The following FAN1 variants were observed in gnomAD, a reference collection of about 807,000 sequenced individuals.
FAN1 encodes the protein FANCD2 and FANCI associated nuclease 1.
Under a neutral mutation model 104.9 loss-of-function variants are expected in FAN1, and 91 were observed. That is an observed-to-expected ratio of 0.87 (90% confidence interval 0.73 to 1.03). The LOEUF (loss-of-function observed/expected upper bound fraction) is 1.03. Ranked by LOEUF, FAN1 falls within the 50% of genes least tolerant of loss-of-function variation. FAN1 has a pLI of 0.00. For missense variants in FAN1, 1,263 were observed against 1,239.9 expected (o/e 1.02, Z -0.28); for synonymous variants, 478 against 457.6 (o/e 1.04, Z -0.57).
At position 30,904,891 on chromosome 15, in the gene FAN1, G is replaced by C. The variant is rs367612076; in HGVS notation, c.228G>C (p.Gln76His). 1 of 1,613,884 alleles carries C rather than the reference G, an allele frequency of 6.2e-7. No individual in the cohort carries two copies. Among genetic ancestry groups the C allele is most frequent in the Non-Finnish European group, 8.5e-7 (1 of 1,179,976 alleles). Reference sequence around the variant, plus strand: ...ACTTCGTTCAAGTGGATCCAGGGCAGGTTGGCTTAATAAATTCAAATGTGT... The same window carrying C: ...ACTTCGTTCAAGTGGATCCAGGGCACGTTGGCTTAATAAATTCAAATGTGT... ...NNDFVQVDPG[Q>H]VGLINSNVSM... Residue 76 changes from glutamine (Q) to histidine (H), a missense_variant, in exon 2 of 15, where the codon CAG (glutamine) becomes CAC (histidine). Coordinates refer to ENST00000362065, the MANE Select transcript of FAN1 (RefSeq NM_014967.5).
intron 14 of FAN1, 24 bp from the exon 15 acceptor site, chr15:30,941,542 T>C: frequency 6.2e-7 from 1 of 1,608,310 alleles, no homozygotes; most frequent in Non-Finnish European, 8.5e-7. Context: ...TTAATGGTGT[T>C]CCTAAAATGC....
intron 12 of FAN1, among the ~76,000 whole-genome samples, chr15:30,929,860 ATAAT>A (rs1404089316): frequency 1.3e-5 from 1 of 78,508 alleles, no homozygotes; most frequent in African/African-American, 6.3e-5. Flanking sequence ...TATATCATAT[ATAAT>A]ATATATAAAA....
intron 10 of FAN1, chr15:30,927,161 A>G: frequency 1.1e-6 from 1 of 941,728 alleles, no homozygotes; most frequent in Admixed American, 6.2e-5. Context: ...GTGAGCCAAG[A>G]TTGTGCCACT....
chr15:30,929,616 ATATATAT>A lies in FAN1; in HGVS notation c.2787+231_2787+237del, dbSNP rs1206430062. 2.0e-3 allele frequency among the ~76,000 whole-genome samples: 264 copies of A among 129,226 alleles called. 11 individuals are homozygous for A. Among genetic ancestry groups the A allele is most frequent in the African/African-American group, 6.9e-3 (229 of 32,986 alleles). 84.8% of individuals were successfully genotyped at this position (129,226 alleles called of 152,430 possible). ...TTATATATTACATATTACATATATA[ATATATAT>A]TATATATTATACAATATACAATATA... On this transcript the variant is annotated intron_variant, in intron 12 of 14. Coordinates refer to ENST00000362065, the MANE Select transcript of FAN1 (RefSeq NM_014967.5).
At chr15:30,911,039 G>A (rs1290291290) in intron 4 of FAN1, 4 of 1,260,682 alleles carry the variant, frequency 3.2e-6, no homozygotes, top group African/African-American at 3.1e-5. Context: ...AGAAAAATCG[G>A]AAGGCAATAG....
At chr15:30,905,963 TGTGATGGGCA>T in intron 2 of FAN1, 66 bp downstream of exon 2, 1 of 1,441,402 alleles carries the variant, frequency 6.9e-7, no homozygotes, top group Non-Finnish European at 9.5e-7. Context: ...TGGGGCATGA[TGTGATGGGCA>T]GTAATCTAGT....
In FAN1 at chr15:30,937,979, A is replaced by T. The variant is rs1158766313; in HGVS notation, c.*3+720A>T. Among the ~76,000 whole-genome samples the T allele has an allele frequency of 2.0e-5, 3 of 151,682 alleles. No individual in the cohort carries two copies. In the East Asian group the frequency reaches 5.9e-4, roughly 30 times the overall value. On this transcript the variant is annotated intron_variant, in intron 14 of 14. Coordinates refer to ENST00000362065, the MANE Select transcript of FAN1 (RefSeq NM_014967.5). Reference sequence around the variant, plus strand: ...GGCAGGCGCATCATGAGGTCAAGAGATCGAGACCATCCTGGCCAACATGGT... The same window carrying T: ...GGCAGGCGCATCATGAGGTCAAGAGTTCGAGACCATCCTGGCCAACATGGT...
At chr15:30,906,526 T>A (rs1392253063) in intron 2 of FAN1, 1 of 456,558 alleles carries the variant, frequency 2.2e-6, no homozygotes, top group East Asian at 6.9e-5. Context: ...AAGCCACCCT[T>A]GTGTCTTTAC....
At chr15:30,904,238 G>T (rs2061915697) in intron 1 of FAN1, among the ~76,000 whole-genome samples, 1 of 152,180 alleles carries the variant, frequency 6.6e-6, no homozygotes, top group Non-Finnish European at 1.5e-5. Flanking sequence ...CTTGTAAAGG[G>T]TCTGAAGTGG....
At chr15:30,910,094 A>C (rs1321617613) in intron 3 of FAN1, among the ~76,000 whole-genome samples, 1 of 152,212 alleles carries the variant, frequency 6.6e-6, no homozygotes, top group East Asian at 1.9e-4. Context: ...ACTGCCCTAA[A>C]CTTGTGAAGC....
At position 30,904,546 on chromosome 15, in the gene FAN1, C is replaced by T. The variant is rs986560136; in HGVS notation, c.-118C>T. The stretch of plus-strand genomic sequence containing the variant: ...ATTGTCGAGACGAATAACATGAGGT[C>T]ATATAGAATCCCACTTTTGGTGATT... On this transcript the variant is annotated 5_prime_UTR_variant, in exon 2 of 15. Transcript: ENST00000362065. 3 of 926,408 alleles carry T rather than the reference C, an allele frequency of 3.2e-6. No homozygotes were observed. Among genetic ancestry groups the T allele is most frequent in the Admixed American group, 3.4e-5 (2 of 58,862 alleles). 57.4% of individuals were successfully genotyped at this position (926,408 alleles called of 1,614,324 possible). A position where few individuals can be genotyped will look rare whatever the true frequency, so the allele number is the denominator to read the frequency against.
At chr15:30,938,300 GT>G (rs1245849403) in intron 14 of FAN1, among the ~76,000 whole-genome samples, 1 of 152,156 alleles carries the variant, frequency 6.6e-6, no homozygotes, top group Non-Finnish European at 1.5e-5. Flanking sequence ...ACATTTAGCT[GT>G]TAAACTTTTA....
Position 30,904,649 on chromosome 15 carries a change from GTT to G in FAN1, c.-11_-10del, listed in dbSNP as rs774760583. The G allele has an allele frequency of 1.9e-6, 3 of 1,608,258 alleles. No individual in the cohort carries two copies. The South Asian group carries it at 3.3e-5, about 18-fold the overall frequency. On this transcript the variant is annotated 5_prime_UTR_variant, in exon 2 of 15. An upstream open reading frame in the 5' UTR loses its in-frame stop. Transcript: ENST00000362065. ...TGTGTTTTATTGCTCAGAACATCCA[GTT>G]TTTCTAATACTCATGATGTCAGAAG...
Position 30,920,699 on chromosome 15 carries a change from G to T in FAN1, c.2052+46G>T, listed in dbSNP as rs748145720. Reference sequence around the variant, plus strand: ...CCCCCACCATTACTGATGTGATGGCGTTAAACATGTGAAGGGACAGCTGTC... The same window carrying T: ...CCCCCACCATTACTGATGTGATGGCTTTAAACATGTGAAGGGACAGCTGTC... On this transcript the variant is annotated intron_variant, in intron 7 of 14. Transcript: ENST00000362065. The T allele has an allele frequency of 9.8e-6, 11 of 1,126,816 alleles. No individual in the cohort carries two copies. In the East Asian group the frequency reaches 1.7e-4, roughly 17 times the overall value. The allele number at this position is 1,126,816 out of a possible 1,614,324, so 69.8% of individuals were successfully genotyped here.
chr15:30,919,714 A>G (rs1230057465), intron 6 of FAN1, among the ~76,000 whole-genome samples: 1 of 151,220 alleles, frequency 6.6e-6, no homozygotes, highest in Non-Finnish European at 1.5e-5. Context: ...AAAAAAGAAA[A>G]TCATAAGGAA....
Position 30,930,573 on chromosome 15 carries a change from C to T in FAN1, c.2818C>T (p.Leu940Phe). The T allele has an allele frequency of 6.2e-7, 1 of 1,610,672 alleles. No homozygotes were observed. The highest frequency in any genetic ancestry group is 8.5e-7 in the Non-Finnish European group (1 of 1,178,952). Residue 940 changes from leucine to phenylalanine, a missense_variant, in exon 13 of 15, where the codon CTC (leucine) becomes TTC (phenylalanine). By Grantham distance (22) the Leu-to-Phe change is conservative. Around this residue, in one of 2 missense-constraint regions of FAN1, gnomAD observed 581 missense variants for 668.8 expected, o/e 0.87. Transcript: ENST00000362065. ...DLVSCLGGPV[L>F]SGVCRHLAAD... The stretch of plus-strand genomic sequence containing the variant: ...TGTCTCCTGCCTGGGGGGCCCTGTG[C>T]TCAGTGGTGTGTGCAGGCACCTGGC...
rs951181120 is a variant in FAN1, at chr15:30,904,544, G to A, written c.-120G>A. 4.4e-6 allele frequency: 4 copies of A among 910,402 alleles called. No individual in the cohort carries two copies. In the East Asian group the frequency reaches 9.6e-5, roughly 22 times the overall value. The allele number at this position is 910,402 out of a possible 1,614,324, so 56.4% of individuals were successfully genotyped here. On this transcript the variant is annotated 5_prime_UTR_variant, in exon 2 of 15. Coordinates refer to ENST00000362065, the MANE Select transcript of FAN1 (RefSeq NM_014967.5). ...AAATTGTCGAGACGAATAACATGAGGTCATATAGAATCCCACTTTTGGTGA... is the reference window on the plus strand; with the variant it reads ...AAATTGTCGAGACGAATAACATGAGATCATATAGAATCCCACTTTTGGTGA...
rs750059476 is a variant in FAN1, at chr15:30,929,229, C to G, written c.2619C>G (p.Asp873Glu). Residue 873 changes from aspartate to glutamate, a missense_variant, in exon 12 of 15, where the codon GAC (aspartate) becomes GAG (glutamate). Asp to Glu is a conservative substitution (Grantham distance 45). Transcript: ENST00000362065. ...CATTCCCCCTGGACTTGTGCACAGA[C>G]AGCTTCTTCACAAGCAGACGCCCAG... ...CQAFPLDLCT[D>E]SFFTSRRPAL... The G allele has an allele frequency of 8.7e-6, 14 of 1,612,736 alleles. No homozygotes were observed. The African/African-American group carries it at 1.2e-4, about 14-fold the overall frequency.
intron 5 of FAN1, among the ~76,000 whole-genome samples, chr15:30,915,892 T>C (rs2062189570): frequency 6.6e-6 from 1 of 152,236 alleles, no homozygotes; most frequent in African/African-American, 2.4e-5. Flanking sequence ...ATGTCACTTT[T>C]GATTCTTGAT....
Sources: allele counts gnomAD v4.1 joint callset (sites outside exome capture counted in the v4.1 genomes callset), GRCh38; gene constraint gnomAD v4.1.1; regional missense constraint gnomAD v4.1.1; transcripts MANE v1.5; gene names NCBI Gene and HGNC (gene_info 2026-07-23, HGNC 2026-07-21).